The following DDR2 variants were observed in gnomAD, a reference collection of about 807,000 sequenced individuals.
DDR2 encodes the protein discoidin domain-containing receptor 2.
A neutral mutation model predicts 94.9 loss-of-function variants in DDR2; 27 were observed. The observed-to-expected ratio is 0.28, with a 90% CI of 0.21 to 0.39. The LOEUF (loss-of-function observed/expected upper bound fraction) is 0.39. Among genes scored for constraint, DDR2 ranks in the 10% least tolerant of loss-of-function variants. The probability of loss-of-function intolerance (pLI) is 1.00; values close to 1 mark genes in which losing one functional copy is unlikely to be tolerated. For missense variants in DDR2, 783 were observed against 1,076.0 expected (o/e 0.73, Z 3.81); for synonymous variants, 382 against 377.2 (o/e 1.01, Z -0.15).
At chr1:162,688,679 C>G (rs376520570) in intron 2 of DDR2, among the ~76,000 whole-genome samples, 3 of 152,210 alleles carry the variant, frequency 2.0e-5, no homozygotes, top group Non-Finnish European at 4.4e-5. Flanking sequence ...ACTGCCATGA[C>G]GCACGGAGGA....
At chr1:162,669,593 T>C (rs1658736995) in intron 2 of DDR2, among the ~76,000 whole-genome samples, 4 of 152,232 alleles carry the variant, frequency 2.6e-5, no homozygotes, top group Admixed American at 6.5e-5. Flanking sequence ...AATTATTGTA[T>C]CACCAATCCT....
At chr1:162,732,262 G>GC (rs1662090679) in intron 3 of DDR2, among the ~76,000 whole-genome samples, 1 of 152,122 alleles carries the variant, frequency 6.6e-6, no homozygotes, top group Non-Finnish European at 1.5e-5. Flanking sequence ...ATCTTTCTTG[G>GC]CCCCCCTGTG....
At chr1:162,693,061 C>T (rs541920177) in intron 2 of DDR2, among the ~76,000 whole-genome samples, 12 of 151,928 alleles carry the variant, frequency 7.9e-5, no homozygotes, top group African/African-American at 2.9e-4. Flanking sequence ...CGAAAGGGGC[C>T]AAACAAAAAA....
At chr1:162,760,733 T>A (rs1275649289) in intron 8 of DDR2, among the ~76,000 whole-genome samples, 2 of 151,956 alleles carry the variant, frequency 1.3e-5, no homozygotes, top group Non-Finnish European at 2.9e-5. Flanking sequence ...TGGTTACCTG[T>A]ATGCACTGTC....
intron 7 of DDR2, 38 bp downstream of exon 7, chr1:162,755,807 C>T: frequency 1.3e-6 from 2 of 1,509,042 alleles, no homozygotes; most frequent in Middle Eastern, 1.7e-4. Context: ...GGGAAATTGG[C>T]CACTAAGAAA....
chr1:162,650,737 A>T (rs1344620630), intron 1 of DDR2, among the ~76,000 whole-genome samples: 6 of 151,582 alleles, frequency 4.0e-5, no homozygotes, highest in Admixed American at 3.9e-4. Context: ...TATTATTATT[A>T]TTTTTTGAGA....
At chr1:162,748,965 A>G (rs1007848717) in intron 3 of DDR2, among the ~76,000 whole-genome samples, 11 of 152,250 alleles carry the variant, frequency 7.2e-5, no homozygotes, top group African/African-American at 2.7e-4. Context: ...AATGAGAACA[A>G]AGACACAACA....
Position 162,780,232 on chromosome 1 carries a change from C to G in DDR2, c.2554C>G (p.Gln852Glu). The change falls in exon 18 of 18, where the codon CAA (glutamine) becomes GAA (glutamate). Residue 852 changes from glutamine (Q) to glutamate (E), a missense_variant. This residue lies in a region of DDR2 where 264 missense variants were observed against 428.2 expected (regional missense o/e 0.62). Coordinates refer to ENST00000367921, the MANE Select transcript of DDR2 (RefSeq NM_006182.4). ...FQEIHLLLLQ[Q>E]GDE ...AGAAATCCACCTTCTGCTCCTTCAA[C>G]AAGGCGACGAGTGATGCTGTCAGTG... is the stretch of plus-strand genomic sequence containing the variant. 2 of 1,613,950 alleles carry G rather than the reference C, an allele frequency of 1.2e-6. No homozygotes were observed. The highest frequency in any genetic ancestry group is 8.5e-7 in the Non-Finnish European group (1 of 1,179,914).
intron 1 of DDR2, among the ~76,000 whole-genome samples, chr1:162,650,659 A>C (rs1657642003): frequency 6.6e-6 from 1 of 152,116 alleles, no homozygotes; most frequent in Admixed American, 6.6e-5. Context: ...CCAGACTCCC[A>C]GGCTTTTCGA....
chr1:162,674,286 G>A (rs1464931305), intron 2 of DDR2, among the ~76,000 whole-genome samples: 1 of 152,140 alleles, frequency 6.6e-6, no homozygotes, highest in Non-Finnish European at 1.5e-5. Flanking sequence ...CAATCTGTCT[G>A]TTTCCCTCTC....
rs778563794 is a variant in DDR2, at chr1:162,653,926, G to A, written c.-191-1285G>A. 9.6e-4 allele frequency among the ~76,000 whole-genome samples: 146 copies of A among 152,196 alleles called. 1 individual carries two copies. Among genetic ancestry groups the A allele is most frequent in the Admixed American group, 5.2e-4 (8 of 15,288 alleles). Reference sequence around the variant, plus strand: ...GGCCATTTTATTCCCATTAAGTACTGTATCCTTCACTAAAGAAATGGGCCA... The same window carrying A: ...GGCCATTTTATTCCCATTAAGTACTATATCCTTCACTAAAGAAATGGGCCA... On this transcript the variant is annotated intron_variant, in intron 1 of 17. Transcript: ENST00000367921.
chr1:162,766,822 A>G (rs1275921660), intron 10 of DDR2, among the ~76,000 whole-genome samples: 1 of 152,114 alleles, frequency 6.6e-6, no homozygotes, highest in African/African-American at 2.4e-5. Flanking sequence ...TCATGAGGTC[A>G]GGAGTTCGAG....
rs143835998 is a variant in DDR2 at position 162,778,521 on chromosome 1, A to G, written c.2284-59A>G. On this transcript the variant is annotated intron_variant, in intron 16 of 17. Coordinates refer to ENST00000367921, the MANE Select transcript of DDR2 (RefSeq NM_006182.4). ...GTATAGCTGCAGATTATGAAATTTAACAGGGTGTTGTTGTGCACAGGTTAT... is the reference window on the plus strand; with the variant it reads ...GTATAGCTGCAGATTATGAAATTTAGCAGGGTGTTGTTGTGCACAGGTTAT... 230 of 1,606,004 alleles carry G rather than the reference A, an allele frequency of 1.4e-4. No individual in the cohort carries two copies. The African/African-American group carries it at 2.8e-3, about 20-fold the overall frequency.
In DDR2 at chr1:162,782,947, T is replaced by A. The variant is rs1647985598; in HGVS notation, c.*2701T>A. 1 of 152,152 alleles carries A rather than the reference T, an allele frequency of 6.6e-6. No individual in the cohort carries two copies. The highest frequency in any genetic ancestry group is 2.4e-5 in the African/African-American group (1 of 41,422). The allele number at this position is 152,152 out of a possible 1,614,324, so 9.4% of individuals were successfully genotyped here. Reference sequence around the variant, plus strand: ...ACAGACACAGGTTTAGTTTCTAGCTTAGTCATGCCTTTAGAGTTTAGTAGC... The same window carrying A: ...ACAGACACAGGTTTAGTTTCTAGCTAAGTCATGCCTTTAGAGTTTAGTAGC... On this transcript the variant is annotated 3_prime_UTR_variant, in exon 18 of 18. Transcript: ENST00000367921.
chr1:162,748,942 G>A (rs1663032377), intron 3 of DDR2, among the ~76,000 whole-genome samples: 1 of 152,158 alleles, frequency 6.6e-6, no homozygotes, highest in Non-Finnish European at 1.5e-5. Context: ...AAATAAAGAT[G>A]TTCTTTGAAA....
At chr1:162,675,935 T>G (rs375230478) in intron 2 of DDR2, among the ~76,000 whole-genome samples, 179 of 152,270 alleles carry the variant, frequency 1.2e-3, no homozygotes, top group African/African-American at 4.1e-3. Flanking sequence ...GTCCTCGGCC[T>G]GGCCTAGCAG....
rs573628844 is a variant in DDR2, at chr1:162,772,027, G to A, written c.1508G>A (p.Cys503Tyr). The A allele has an allele frequency of 6.2e-7, 1 of 1,603,988 alleles. No individual in the cohort carries two copies. Among genetic ancestry groups the A allele is most frequent in the African/African-American group, 1.3e-5 (1 of 74,726 alleles). The change falls in exon 13 of 18, where the codon TGC becomes TAC. Residue 503 changes from cysteine (C) to tyrosine (Y), a missense_variant. Coordinates refer to ENST00000367921, the MANE Select transcript of DDR2 (RefSeq NM_006182.4). ...CTCGTTGCCCTTGTCTTCCCAGGCT[G>A]CAGCGGTGTTGTGAAGCCAGTCCAG... Reference protein sequence around the residue: ...EFAPGEEESGCSGVVKPVQPS... With the variant: ...EFAPGEEESGYSGVVKPVQPS...
chr1:162,687,580 A>T (rs1659745001), intron 2 of DDR2, among the ~76,000 whole-genome samples: 1 of 152,222 alleles, frequency 6.6e-6, no homozygotes. Context: ...TGTTGGAGCC[A>T]GTAGCCCTGC....
intron 2 of DDR2, among the ~76,000 whole-genome samples, chr1:162,704,146 CA>C (rs1365617550): frequency 6.6e-6 from 1 of 152,156 alleles, no homozygotes; most frequent in Admixed American, 6.5e-5. Context: ...AAGATATTGG[CA>C]AATCTTTTAT....
Sources: allele counts gnomAD v4.1 joint callset (sites outside exome capture counted in the v4.1 genomes callset), GRCh38; gene constraint gnomAD v4.1.1; regional missense constraint gnomAD v4.1.1; transcripts MANE v1.5; gene names NCBI Gene and HGNC (gene_info 2026-07-23, HGNC 2026-07-21).